Variants in B3GALT1 observed in about 807,000 individuals in gnomAD.
B3GALT1 encodes the protein UDP-Gal:betaGlcNAc beta 1,3-galactosyltransferase, polypeptide 1.
Under a neutral mutation model 23.2 loss-of-function variants are expected in B3GALT1, and 10 were observed. That is an observed-to-expected ratio of 0.43 (90% CI 0.27 to 0.73). B3GALT1 has a LOEUF of 0.73. Ranked by LOEUF, B3GALT1 falls within the 30% of genes least tolerant of loss-of-function variation. B3GALT1 has a pLI of 0.21. For missense variants in B3GALT1, 299 were observed against 405.4 expected (o/e 0.74, Z 2.25); for synonymous variants, 156 against 141.5 (o/e 1.10, Z -0.73).
At chr2:167,326,538 G>A (rs1409585915) in intron 1 of B3GALT1, among the ~76,000 whole-genome samples, 5 of 151,500 alleles carry the variant, frequency 3.3e-5, no homozygotes, top group Admixed American at 3.3e-4. Flanking sequence ...TTTTTCTATG[G>A]TTTTGTCTGG....
At chr2:167,789,487 G>A (rs1688398224) in intron 3 of B3GALT1, among the ~76,000 whole-genome samples, 1 of 152,028 alleles carries the variant, frequency 6.6e-6, no homozygotes, top group South Asian at 2.1e-4. Context: ...TAAAGCCTTT[G>A]GCACACTCTA....
At chr2:167,316,835 A>C (rs368248573) in intron 1 of B3GALT1, among the ~76,000 whole-genome samples, 1 of 152,084 alleles carries the variant, frequency 6.6e-6, no homozygotes, top group Admixed American at 6.5e-5. Context: ...AACTACTTGC[A>C]CTCGAGTCCT....
At chr2:167,594,768 C>T (rs765437552) in intron 2 of B3GALT1, among the ~76,000 whole-genome samples, 2 of 151,924 alleles carry the variant, frequency 1.3e-5, no homozygotes, top group East Asian at 1.9e-4. Context: ...TAGCTGAGTG[C>T]GGTGGCAGGT....
chr2:167,732,112 T>G (rs1687419290), intron 3 of B3GALT1, among the ~76,000 whole-genome samples: 1 of 152,202 alleles, frequency 6.6e-6, no homozygotes, highest in Admixed American at 6.5e-5. Flanking sequence ...TCAAACCTGA[T>G]GCCATTGTGA....
In B3GALT1 at chr2:167,327,026, A is replaced by G. The variant is rs185587082; in HGVS notation, c.-511+33692A>G. 1.2e-3 allele frequency among the ~76,000 whole-genome samples: 175 copies of G among 152,120 alleles called. 1 individual carries two copies. Among genetic ancestry groups the G allele is most frequent in the African/African-American group, 4.0e-3 (165 of 41,534 alleles). On this transcript the variant is annotated intron_variant, in intron 1 of 4. Coordinates refer to ENST00000392690, the MANE Select transcript of B3GALT1 (RefSeq NM_020981.4). ...TATTGAAGAGGGTGTCCTTTCCCCAATGTATGTTCTTGACAGGTTTGTTGA... is the reference window on the plus strand; with the variant it reads ...TATTGAAGAGGGTGTCCTTTCCCCAGTGTATGTTCTTGACAGGTTTGTTGA...
chr2:167,573,789 C>G (rs914145603), intron 2 of B3GALT1, among the ~76,000 whole-genome samples: 1 of 151,440 alleles, frequency 6.6e-6, no homozygotes, highest in African/African-American at 2.4e-5. Context: ...AAAAAGTGTG[C>G]TTAGCATGAC....
intron 2 of B3GALT1, among the ~76,000 whole-genome samples, chr2:167,580,645 G>A (rs1468620269): frequency 6.6e-6 from 1 of 152,080 alleles, no homozygotes; most frequent in Non-Finnish European, 1.5e-5. Context: ...TAAGCTTTTG[G>A]AAATTTCACT....
At chr2:167,492,793 G>A (rs1699729008) in intron 2 of B3GALT1, among the ~76,000 whole-genome samples, 3 of 152,008 alleles carry the variant, frequency 2.0e-5, no homozygotes, top group Admixed American at 6.6e-5. Flanking sequence ...TATGCACTTT[G>A]TAATAACAGT....
chr2:167,839,704 A>G (rs1689589135), intron 4 of B3GALT1, among the ~76,000 whole-genome samples: 1 of 152,260 alleles, frequency 6.6e-6, no homozygotes, highest in South Asian at 2.1e-4. Context: ...GAACCAAAAA[A>G]GAGCCCGCCT....
intron 1 of B3GALT1, among the ~76,000 whole-genome samples, chr2:167,340,740 A>G (rs1438260718): frequency 1.3e-5 from 2 of 152,200 alleles, no homozygotes; most frequent in Non-Finnish European, 2.9e-5. Context: ...AGACAAAGTG[A>G]TCATCATCTG....
chr2:167,797,892 G>C (rs552481404), intron 3 of B3GALT1, among the ~76,000 whole-genome samples: 5 of 152,252 alleles, frequency 3.3e-5, no homozygotes, highest in Admixed American at 1.3e-4. Flanking sequence ...TTTTAGTAGA[G>C]ATGGGGTTTC....
At chr2:167,849,724 A>G (rs1199294504) in intron 4 of B3GALT1, among the ~76,000 whole-genome samples, 1 of 151,850 alleles carries the variant, frequency 6.6e-6, no homozygotes, top group East Asian at 1.9e-4. Context: ...TGTCTCTACT[A>G]AAAAATACAA....
At chr2:167,735,418 A>T (rs911512227) in intron 3 of B3GALT1, among the ~76,000 whole-genome samples, 1 of 152,226 alleles carries the variant, frequency 6.6e-6, no homozygotes, top group Non-Finnish European at 1.5e-5. Context: ...AAACATCTCA[A>T]TGGGCCAACC....
At chr2:167,334,815 A>G (rs1697034258) in intron 1 of B3GALT1, among the ~76,000 whole-genome samples, 2 of 152,038 alleles carry the variant, frequency 1.3e-5, no homozygotes. Flanking sequence ...CTAATTCTGG[A>G]CTCCTCTCAA....
At chr2:167,612,595 T>C (rs1227616429) in intron 2 of B3GALT1, among the ~76,000 whole-genome samples, 2 of 151,932 alleles carry the variant, frequency 1.3e-5, no homozygotes, top group African/African-American at 4.8e-5. Context: ...AAATCTGATA[T>C]TTAAAATTCC....
At chr2:167,324,399 A>G (rs1283438444) in intron 1 of B3GALT1, among the ~76,000 whole-genome samples, 1 of 152,016 alleles carries the variant, frequency 6.6e-6, no homozygotes, top group Non-Finnish European at 1.5e-5. Context: ...AAGGCACATT[A>G]CTTTATAATA....
In B3GALT1 at chr2:167,839,603, C is replaced by G. The variant is rs1402673340; in HGVS notation, c.-230+20810C>G. On this transcript the variant is annotated intron_variant, in intron 4 of 4. Transcript: ENST00000392690. ...AATATCATGAAAATGGCCATACTGCCCAAGGTAATTTTTAGATTCAATGCC... is the reference window on the plus strand; with the variant it reads ...AATATCATGAAAATGGCCATACTGCGCAAGGTAATTTTTAGATTCAATGCC... 2.4e-3 allele frequency among the ~76,000 whole-genome samples: 361 copies of G among 152,370 alleles called. 1 individual carries two copies. The highest frequency in any genetic ancestry group is 8.4e-3 in the African/African-American group (349 of 41,576).
intron 3 of B3GALT1, among the ~76,000 whole-genome samples, chr2:167,770,306 G>A (rs552611350): frequency 6.6e-6 from 1 of 152,196 alleles, no homozygotes; most frequent in South Asian, 2.1e-4. Flanking sequence ...TATTCTAATA[G>A]GTGTATTGTG....
intron 2 of B3GALT1, among the ~76,000 whole-genome samples, chr2:167,601,748 T>G (rs1319694378): frequency 6.6e-6 from 1 of 152,222 alleles, no homozygotes; most frequent in Non-Finnish European, 1.5e-5. Flanking sequence ...ACCAGGTGAT[T>G]CCATATTGAG....
Sources: allele counts gnomAD v4.1 joint callset (sites outside exome capture counted in the v4.1 genomes callset), GRCh38; gene constraint gnomAD v4.1.1; transcripts MANE v1.5; gene names NCBI Gene and HGNC (gene_info 2026-07-23, HGNC 2026-07-21).